CLCN1: variants seen among roughly 807,000 people sequenced by gnomAD.
CLCN1 encodes the protein chloride voltage-gated channel 1, also known as chloride channel protein 1.
CLCN1 carries 100 observed loss-of-function variants against 114.5 expected under a neutral mutation model. The ratio of observed to expected loss-of-function variants is 0.87; its 90% CI spans 0.74 to 1.03. The LOEUF (loss-of-function observed/expected upper bound fraction) is 1.03, where lower values mean the gene tolerates loss of function less well. Ranked by LOEUF, CLCN1 falls within the 50% of genes least tolerant of loss-of-function variation. CLCN1 has a pLI of 0.00. For synonymous variants in CLCN1, 485 were observed against 487.1 expected (o/e 1.00, Z 0.06); for missense variants, 1,188 against 1,250.0 (o/e 0.95, Z 0.75).
At chr7:143,325,106 A>T (rs1802542674) in intron 7 of CLCN1, among the ~76,000 whole-genome samples, 1 of 152,244 alleles carries the variant, frequency 6.6e-6, no homozygotes. Flanking sequence ...CTTATCATGG[A>T]TGATTAACAA....
chr7:143,349,839 C>T (rs755130001), intron 20 of CLCN1, among the ~76,000 whole-genome samples: 2 of 152,120 alleles, frequency 1.3e-5, no homozygotes, highest in Non-Finnish European at 2.9e-5. Context: ...AATGTCATTT[C>T]TGAAAAGGTG....
chr7:143,344,942 G>A (rs1167675848), intron 16 of CLCN1, among the ~76,000 whole-genome samples: 9 of 151,902 alleles, frequency 5.9e-5, no homozygotes, highest in Admixed American at 3.9e-4. Flanking sequence ...GTAGAGACGG[G>A]GTTTCACCAT....
chr7:143,351,443 T>C (rs1803397137), intron 22 of CLCN1, 151 bp from the exon 23 acceptor site: 1 of 795,544 alleles, frequency 1.3e-6, no homozygotes, highest in African/African-American at 1.7e-5. Context: ...TTCCTTGTTT[T>C]CTGTTTCTCT....
Position 143,339,267 on chromosome 7 carries a change from C to T in CLCN1, c.1416C>T (p.Ile472=), listed in dbSNP as rs372034290. Residue 472 remains isoleucine, a synonymous_variant, in exon 13 of 23, where the codon ATC becomes ATT. Transcript: ENST00000343257. The surrounding 1 kb of genome is among the most constrained non-coding windows in gnomAD (Gnocchi z 4.1). The stretch of plus-strand genomic sequence containing the variant: ...TTCTACTCCAGTTCTGGATGTCCAT[C>T]GTGGCCACCACTATGCCCATACCCT... ...LFFVMKFWMS[I]VATTMPIPCG... The T allele has an allele frequency of 2.4e-5, 39 of 1,610,688 alleles. No homozygotes were observed. The highest frequency in any genetic ancestry group is 3.3e-5 in the Admixed American group (2 of 59,998).
intron 6 of CLCN1, chr7:143,323,950 G>A (rs1296041726): frequency 4.5e-6 from 2 of 441,022 alleles, no homozygotes; most frequent in Non-Finnish European, 9.2e-6. Flanking sequence ...TTAGAAGGGG[G>A]TTTTGGGTGG....
At chr7:143,346,016 A>G (rs531663923) in intron 17 of CLCN1, 124 bp from the exon 18 acceptor site, 57 of 829,696 alleles carry the variant, frequency 6.9e-5, no homozygotes, top group South Asian at 3.8e-4. Context: ...AAAGGGATAT[A>G]GGAATTTCTG....
intron 1 of CLCN1, among the ~76,000 whole-genome samples, chr7:143,316,909 A>G (rs1052375591): frequency 6.6e-6 from 1 of 152,266 alleles, no homozygotes; most frequent in Admixed American, 6.5e-5. Flanking sequence ...ACCAACGTCA[A>G]AATGAGCAGA....
rs1483557433 is a variant in CLCN1 at position 143,345,625 on chromosome 7, C to T, written c.2035C>T (p.Arg679Trp). The change falls in exon 17 of 23, where the codon CGG becomes TGG. Residue 679 changes from arginine to tryptophan, a missense_variant. Transcript: ENST00000343257. ...GCTGCGCGCAGCCCAAGAGATGGCG[C>T]GGAAGTTGTCGGAGCTGCCTTACGA... is the stretch of plus-strand genomic sequence containing the variant. ...RRLRAAQEMARKLSELPYDGK... is the reference protein window; with the variant it reads ...RRLRAAQEMAWKLSELPYDGK... 1.3e-6 allele frequency: 2 copies of T among 1,561,074 alleles called. No homozygotes were observed. Among genetic ancestry groups the T allele is most frequent in the Non-Finnish European group, 1.7e-6 (2 of 1,153,150 alleles).
In CLCN1 at chr7:143,339,325, A is replaced by G; in HGVS notation, c.1471+3A>G. On this transcript the variant is annotated splice_donor_region_variant and intron_variant, in intron 13 of 22. Transcript: ENST00000343257. This position sits in a 1 kb window ranked among gnomAD's most constrained non-coding sequence, Gnocchi z 4.1. Reference sequence around the variant, plus strand: ...CTTCATGCCTGTGTTTGTGCTAGGTAAGTTCTGATGGGAAGCCTGGGGTCT... The same window carrying G: ...CTTCATGCCTGTGTTTGTGCTAGGTGAGTTCTGATGGGAAGCCTGGGGTCT... The G allele has an allele frequency of 6.2e-7, 1 of 1,609,954 alleles. No individual in the cohort carries two copies. The highest frequency in any genetic ancestry group is 8.5e-7 in the Non-Finnish European group (1 of 1,176,194).
At chr7:143,344,561 C>T (rs541262310) in intron 16 of CLCN1, among the ~76,000 whole-genome samples, 143 of 152,234 alleles carry the variant, frequency 9.4e-4, no homozygotes, top group Non-Finnish European at 1.1e-3. Context: ...AGGAGGGGTA[C>T]AGCCAACAAA....
chr7:143,348,100 A>C (rs1563088933), intron 20 of CLCN1, among the ~76,000 whole-genome samples: 1 of 152,264 alleles, frequency 6.6e-6, no homozygotes, highest in Non-Finnish European at 1.5e-5. Flanking sequence ...TTGGATATCC[A>C]GAATAAATAT....
chr7:143,332,619 G>A (rs1464697344), intron 11 of CLCN1, 105 bp from the exon 12 acceptor site: 1 of 1,538,890 alleles, frequency 6.5e-7, no homozygotes, highest in Admixed American at 1.7e-5. Flanking sequence ...CTGAGAAAAG[G>A]GCAAAAGAGA....
At position 143,316,905 on chromosome 7, in the gene CLCN1, G is replaced by A. The variant is rs936563672; in HGVS notation, c.180+513G>A. On this transcript the variant is annotated intron_variant, in intron 1 of 22. Transcript: ENST00000343257. ...TATCAGTGATCAAAGATCTACCAACGTCAAAATGAGCAGAGATGTACAAGC... is the reference window on the plus strand; with the variant it reads ...TATCAGTGATCAAAGATCTACCAACATCAAAATGAGCAGAGATGTACAAGC... Among the ~76,000 whole-genome samples, 9 of 152,322 alleles carry A rather than the reference G, an allele frequency of 5.9e-5. 1 individual carries two copies. Among genetic ancestry groups the A allele is most frequent in the Admixed American group, 3.3e-4 (5 of 15,298 alleles).
intron 12 of CLCN1, among the ~76,000 whole-genome samples, chr7:143,335,661 G>GT (rs367713664): frequency 0.42 from 56,968 of 134,830 alleles, 12,381 homozygotes; most frequent in East Asian, 0.56. Flanking sequence ...CAGCTGTTTT[G>GT]TTTTTTTTTT....
At position 143,316,304 on chromosome 7, in the gene CLCN1, C is replaced by T. The variant is rs767076900; in HGVS notation, c.92C>T (p.Thr31Ile). Residue 31 changes from threonine (T) to isoleucine (I), a missense_variant, in exon 1 of 23, where the codon ACC becomes ATC. Physicochemically the swap from Thr to Ile is moderately conservative, Grantham distance 89. Transcript: ENST00000343257. ...CAGTATATGCCCTTTGAACACTGCA[C>T]CAGCTACGGACTGCCCTCTGAGAAT... ...QYQYMPFEHC[T>I]SYGLPSENGG... is the part of the protein sequence containing the mutation. 15 of 1,613,656 alleles carry T rather than the reference C, an allele frequency of 9.3e-6. No homozygotes were observed. Among genetic ancestry groups the T allele is most frequent in the Admixed American group, 6.7e-5 (4 of 60,000 alleles).
rs1306225028 is a variant in CLCN1 at position 143,350,681 on chromosome 7, A to G, written c.2595+27A>G. On this transcript the variant is annotated intron_variant, in intron 22 of 22. Coordinates refer to ENST00000343257, the MANE Select transcript of CLCN1 (RefSeq NM_000083.3). The surrounding 1 kb of genome is among the most constrained non-coding windows in gnomAD (Gnocchi z 5.1). Reference sequence around the variant, plus strand: ...TAATCACGATGTGTCCCATTTGAGCAGCAGGAGGGAGGCTGGGCATAGGAT... The same window carrying G: ...TAATCACGATGTGTCCCATTTGAGCGGCAGGAGGGAGGCTGGGCATAGGAT... 6.4e-7 allele frequency: 1 copy of G among 1,558,824 alleles called. No homozygotes were observed.
Position 143,321,901 on chromosome 7 carries a change from G to A in CLCN1, c.696+53G>A. ...CTGGGAGGGGCCCTCAGGAGCCAGG[G>A]TGGCACCAACTCTAGAGGGAGCTCT... On this transcript the variant is annotated intron_variant, in intron 5 of 22. Coordinates refer to ENST00000343257, the MANE Select transcript of CLCN1 (RefSeq NM_000083.3). This position sits in a 1 kb window ranked among gnomAD's most constrained non-coding sequence, Gnocchi z 4.2. 1 of 1,597,486 alleles carries A rather than the reference G, an allele frequency of 6.3e-7. No homozygotes were observed. The highest frequency in any genetic ancestry group is 8.5e-7 in the Non-Finnish European group (1 of 1,171,228).
intron 5 of CLCN1, among the ~76,000 whole-genome samples, chr7:143,322,074 C>T (rs1347977240): frequency 6.6e-6 from 1 of 152,252 alleles, no homozygotes; most frequent in Non-Finnish European, 1.5e-5. Context: ...AGCCTGGACA[C>T]CCCTGACATT....
At position 143,341,919 on chromosome 7, in the gene CLCN1, G is replaced by A. The variant is rs766791096; in HGVS notation, c.1583-10G>A. On this transcript the variant is annotated splice_polypyrimidine_tract_variant and intron_variant, in intron 14 of 22. Transcript: ENST00000343257. ...CCCTAACCTACAGGCGTATTCCTGT[G>A]TCATTCTAGGAGCAGCAGCGCTGAC... 4.3e-6 allele frequency: 7 copies of A among 1,611,320 alleles called. No individual in the cohort carries two copies. Among genetic ancestry groups the A allele is most frequent in the Non-Finnish European group, 5.9e-6 (7 of 1,178,548 alleles).
Sources: gnomAD v4.1 joint callset for allele counts (sites outside exome capture counted in the v4.1 genomes callset) on GRCh38, gnomAD v4.1.1 for gene constraint, Gnocchi (gnomAD v3.1) non-coding constraint, MANE v1.5 for transcripts, NCBI Gene and HGNC (gene_info 2026-07-23, HGNC 2026-07-21) for gene names.